GNL3L: variants seen among roughly 807,000 people sequenced by gnomAD.
GNL3L encodes the protein G protein nucleolar 3 like, also known as guanine nucleotide-binding protein-like 3-like protein.
GNL3L carries 4 observed loss-of-function variants against 42.9 expected under a neutral mutation model. That is an observed-to-expected ratio of 0.09 (90% confidence interval 0.05 to 0.21). The LOEUF (loss-of-function observed/expected upper bound fraction) is 0.21, where lower values mean the gene tolerates loss of function less well. GNL3L is among the 10% of genes least tolerant of loss of function. GNL3L has a pLI of 1.00. For synonymous variants in GNL3L, 159 were observed against 176.3 expected, an observed-to-expected ratio of 0.90 and a Z score of 0.78; for missense variants, 412 against 481.7, an observed-to-expected ratio of 0.86 and a Z score of 1.36.
chrX:54,582,632 G>A (rs1334476400), intron 16 of GNL3L, among the ~76,000 whole-genome samples: 1 of 112,112 alleles, frequency 8.9e-6, no homozygotes, highest in African/African-American at 3.2e-5. Flanking sequence ...ACCCAGGCTG[G>A]AGTGCAGTGG....
chrX:54,641,250 A>G, the GNL3L span, among the ~76,000 whole-genome samples: 1 of 110,442 alleles, frequency 9.1e-6, no homozygotes, highest in African/African-American at 3.3e-5. Context: ...GGCCTCATTC[A>G]TTTGTGTATC....
At chrX:54,603,919 GGAGTT>G (rs1926029686) in intron 16 of GNL3L, among the ~76,000 whole-genome samples, 1 of 111,138 alleles carries the variant, frequency 9.0e-6, no homozygotes, top group African/African-American at 3.3e-5. Flanking sequence ...GGAGGCCAAG[GGAGTT>G]GAGCCCAGGA....
Position 54,599,270 on chromosome X carries a change from C to T in GNL3L, c.*46-21575C>T, listed in dbSNP as rs1015678451. Among the ~76,000 whole-genome samples, 3 of 111,637 alleles carry T rather than the reference C, an allele frequency of 2.7e-5. No individual in the cohort carries two copies. The Admixed American group carries it at 2.9e-4, about 11-fold the overall frequency. On this transcript the variant is annotated intron_variant, in intron 16 of 16. Coordinates refer to the GNL3L transcript ENST00000674498. ...ATTTTATATCCAGTGAAATTATCCT[C>T]CCAAAGTGAAGAAGATATAGTTTCT...
chrX:54,532,580 G>A lies in GNL3L; in HGVS notation c.14G>A (p.Arg5Lys). Residue 5 changes from arginine to lysine, a missense_variant, in exon 2 of 16, where the codon AGA (arginine) becomes AAA (lysine). Physicochemically the swap from Arg to Lys is conservative, Grantham distance 26. Coordinates refer to ENST00000360845, the MANE Select transcript of GNL3L (RefSeq NM_001184819.2). ...AAGCTGGTCATCATGATGAAACTTA[G>A]ACACAGTGAGTTTCCTTTACCACCC... MMKLRHKNKKPGEGS... is the reference protein window; with the variant it reads MMKLKHKNKKPGEGS... 8.5e-7 allele frequency: 1 copy of A among 1,175,618 alleles called. No individual in the cohort carries two copies. The highest frequency in any genetic ancestry group is 1.2e-6 in the Non-Finnish European group (1 of 862,663).
chrX:54,620,203 C>G (rs984915008), intron 16 of GNL3L, among the ~76,000 whole-genome samples: 1 of 110,967 alleles, frequency 9.0e-6, no homozygotes, highest in African/African-American at 3.3e-5. Context: ...GGTGTGCTAT[C>G]AAATTCTAGA....
At position 54,558,666 on chromosome X, in the gene GNL3L, C is replaced by G; in HGVS notation, c.1666+11C>G. 8.8e-7 allele frequency: 1 copy of G among 1,140,130 alleles called. No individual in the cohort carries two copies. Among genetic ancestry groups the G allele is most frequent in the Non-Finnish European group, 1.2e-6 (1 of 836,246 alleles). 94.0% of individuals were successfully genotyped at this position (1,140,130 alleles called of 1,213,427 possible). On this transcript the variant is annotated intron_variant, in intron 15 of 15. Coordinates refer to ENST00000360845, the MANE Select transcript of GNL3L (RefSeq NM_001184819.2). ...TGCAGAAACGTGCAGGTGGGAGCCC[C>G]AGACCAACCCTGTGCTCTGAAAGGG... is the stretch of plus-strand genomic sequence containing the variant.
In GNL3L at chrX:54,558,453, G is replaced by T. The variant is rs750696402; in HGVS notation, c.1464G>T (p.Gly488=). 1 of 1,193,687 alleles carries T rather than the reference G, an allele frequency of 8.4e-7. No individual in the cohort carries two copies. Among genetic ancestry groups the T allele is most frequent in the East Asian group, 3.0e-5 (1 of 33,640 alleles). Residue 488 remains glycine, a synonymous_variant, in exon 15 of 16, where the codon GGG becomes GGT. Coordinates refer to ENST00000360845, the MANE Select transcript of GNL3L (RefSeq NM_001184819.2). ...TTVYKIGDLT[G]YCTNPNRHQM... ...CTTCCTAGATTGGAGATCTCACTGG[G>T]TATTGCACCAATCCGAACCGTCATC...
chrX:54,576,737 A>G (rs1925640374), intron 16 of GNL3L, among the ~76,000 whole-genome samples: 1 of 111,391 alleles, frequency 9.0e-6, no homozygotes, highest in African/African-American at 3.3e-5. Context: ...AGGTACTGGG[A>G]TTACAGGTGT....
intron 16 of GNL3L, among the ~76,000 whole-genome samples, chrX:54,609,896 G>A (rs1831997678): frequency 9.0e-6 from 1 of 111,352 alleles, no homozygotes; most frequent in South Asian, 3.7e-4. Flanking sequence ...AATGATGGTG[G>A]TATTTTGATG....
chrX:54,554,332 C>T (rs1388297315), intron 13 of GNL3L, among the ~76,000 whole-genome samples: 1 of 111,694 alleles, frequency 9.0e-6, no homozygotes, highest in Non-Finnish European at 1.9e-5. Context: ...GTGGAATTCC[C>T]ATTTTCCACA....
chrX:54,533,146 C>T (rs1251892669), intron 2 of GNL3L, among the ~76,000 whole-genome samples: 4 of 110,759 alleles, frequency 3.6e-5, no homozygotes, highest in Non-Finnish European at 5.7e-5. Context: ...AGGTGAATTG[C>T]GATAAAAACA....
chrX:54,579,988 T>TTTTTG (rs1418300569), intron 16 of GNL3L, among the ~76,000 whole-genome samples: 1 of 84,665 alleles, frequency 1.2e-5, no homozygotes, highest in African/African-American at 4.4e-5. Flanking sequence ...TAAAGTTTGT[T>TTTTTG]TTTTTTTTTT....
intron 1 of GNL3L, among the ~76,000 whole-genome samples, chrX:54,531,411 G>C (rs959476555): frequency 9.0e-6 from 1 of 111,251 alleles, no homozygotes; most frequent in South Asian, 3.7e-4. Context: ...ACCCAAGGTA[G>C]TGGAGCTCAG....
rs151327384 is a variant in GNL3L at position 54,593,292 on chromosome X, T to C, written c.*46-27553T>C. On this transcript the variant is annotated intron_variant, in intron 16 of 16. Coordinates refer to the GNL3L transcript ENST00000674498. ...CTGGGAGACTTTTTATCACAGCTTC[T>C]ACCTTGTTACTTGTTATTGGTCTGT... Among the ~76,000 whole-genome samples the C allele has an allele frequency of 6.2e-4, 69 of 111,715 alleles. No individual in the cohort carries two copies. The East Asian group carries it at 0.018, about 30-fold the overall frequency.
chrX:54,616,841 A>G (rs1457597360), intron 16 of GNL3L, among the ~76,000 whole-genome samples: 1 of 111,814 alleles, frequency 8.9e-6, no homozygotes, highest in Non-Finnish European at 1.9e-5. Context: ...GTTTGTTACT[A>G]TTGTGTTTAT....
At chrX:54,619,690 G>C (rs1926265446) in intron 16 of GNL3L, among the ~76,000 whole-genome samples, 1 of 111,059 alleles carries the variant, frequency 9.0e-6, no homozygotes, top group South Asian at 3.8e-4. Flanking sequence ...GATTGAGGAT[G>C]TTTTGTTTCC....
At chrX:54,537,149 A>G (rs1352050964) in intron 2 of GNL3L, among the ~76,000 whole-genome samples, 1 of 107,924 alleles carries the variant, frequency 9.3e-6, no homozygotes, top group Non-Finnish European at 1.9e-5. Flanking sequence ...CAGCTTCCTG[A>G]GAGCTAGGAC....
At chrX:54,575,119 C>G (rs931780870) in intron 16 of GNL3L, among the ~76,000 whole-genome samples, 38 of 111,521 alleles carry the variant, frequency 3.4e-4, no homozygotes, top group African/African-American at 1.2e-3. Context: ...TTTGTAGATT[C>G]CTGCTCTAAT....
At chrX:54,640,938 C>T in the GNL3L span, among the ~76,000 whole-genome samples, 1 of 111,995 alleles carries the variant, frequency 8.9e-6, no homozygotes, top group African/African-American at 3.2e-5. Context: ...ACATTGTGAG[C>T]GGGTGCAGCT....
Sources: allele counts gnomAD v4.1 joint callset (sites outside exome capture counted in the v4.1 genomes callset), GRCh38; gene constraint gnomAD v4.1.1; transcripts MANE v1.5; gene names NCBI Gene and HGNC (gene_info 2026-07-23, HGNC 2026-07-21).